Variants in KCTD8 observed in about 807,000 individuals in gnomAD.
The protein encoded by KCTD8 is BTB/POZ domain-containing protein KCTD8.
A neutral mutation model predicts 31.5 loss-of-function variants in KCTD8; 27 were observed. That is an observed-to-expected ratio of 0.86 (90% CI 0.63 to 1.18). The LOEUF (loss-of-function observed/expected upper bound fraction) is 1.18, where lower values mean the gene tolerates loss of function less well. Among genes scored for constraint, KCTD8 ranks in the 50% most tolerant of loss-of-function variants. The pLI is 0.00. For missense variants in KCTD8, 658 were observed against 647.7 expected, an observed-to-expected ratio of 1.02 and a Z score of -0.17; for synonymous variants, 290 against 280.0, an observed-to-expected ratio of 1.04 and a Z score of -0.36.
At chr4:44,277,580 A>G (rs1716788054) in intron 1 of KCTD8, among the ~76,000 whole-genome samples, 1 of 151,898 alleles carries the variant, frequency 6.6e-6, no homozygotes, top group Admixed American at 6.6e-5. Flanking sequence ...AAACAATCAA[A>G]GAACAATTAT....
chr4:44,242,745 C>T (rs1369899767), intron 1 of KCTD8, among the ~76,000 whole-genome samples: 1 of 152,018 alleles, frequency 6.6e-6, no homozygotes, highest in Non-Finnish European at 1.5e-5. Flanking sequence ...TGGTTTAGCA[C>T]CCTCCCCTTG....
chr4:44,411,735 A>G (rs917869283), intron 1 of KCTD8, among the ~76,000 whole-genome samples: 2 of 152,006 alleles, frequency 1.3e-5, no homozygotes, highest in Admixed American at 1.3e-4. Flanking sequence ...AAACAAGCAG[A>G]GAGAGATAAG....
intron 1 of KCTD8, among the ~76,000 whole-genome samples, chr4:44,260,119 A>G (rs1716117242): frequency 6.6e-6 from 1 of 151,506 alleles, no homozygotes; most frequent in African/African-American, 2.4e-5. Flanking sequence ...GAGAACATCA[A>G]ATGGAAGTAT....
intron 1 of KCTD8, among the ~76,000 whole-genome samples, chr4:44,280,137 A>C (rs1295371416): frequency 6.6e-6 from 1 of 152,136 alleles, no homozygotes; most frequent in East Asian, 1.9e-4. Context: ...TGGTAGGGAA[A>C]AGCTTTCTCT....
chr4:44,435,854 G>A (rs558865629), intron 1 of KCTD8, among the ~76,000 whole-genome samples: 11 of 152,118 alleles, frequency 7.2e-5, no homozygotes, highest in Admixed American at 5.3e-4. Flanking sequence ...ATAGGTGATC[G>A]GTTGTCCTCC....
Position 44,388,584 on chromosome 4 carries a change from C to T in KCTD8, c.961+58979G>A, listed in dbSNP as rs926208842. Among the ~76,000 whole-genome samples, 16 of 151,882 alleles carry T rather than the reference C, an allele frequency of 1.1e-4. No individual in the cohort carries two copies. In the Admixed American group the frequency reaches 1.1e-3, roughly 10 times the overall value. ...ATGGATGGAGCTGAAGGTCATTATC[C>T]TTAGCAAACTACACAGGAACAGAAA... On this transcript the variant is annotated intron_variant, in intron 1 of 1. Transcript: ENST00000360029.
intron 1 of KCTD8, among the ~76,000 whole-genome samples, chr4:44,378,492 C>G (rs1256594114): frequency 6.6e-6 from 1 of 151,654 alleles, no homozygotes; most frequent in Non-Finnish European, 1.5e-5. Context: ...TAAAGTTAAT[C>G]CTTAGTAAAC....
At chr4:44,372,508 G>A (rs1719817575) in intron 1 of KCTD8, among the ~76,000 whole-genome samples, 1 of 152,102 alleles carries the variant, frequency 6.6e-6, no homozygotes, top group Admixed American at 6.5e-5. Context: ...CTGTATTTTA[G>A]GAACAGTTAA....
chr4:44,214,320 T>C (rs1475385804), intron 1 of KCTD8, among the ~76,000 whole-genome samples: 1 of 152,198 alleles, frequency 6.6e-6, no homozygotes, highest in Non-Finnish European at 1.5e-5. Flanking sequence ...CCTACACATG[T>C]AAACTCTTTA....
intron 1 of KCTD8, among the ~76,000 whole-genome samples, chr4:44,220,528 TACTAG>T (rs1341062313): frequency 6.6e-6 from 1 of 152,170 alleles, no homozygotes; most frequent in Non-Finnish European, 1.5e-5. Context: ...ATGTATGTAT[TACTAG>T]ACATTTTAAT....
At chr4:44,295,033 C>T (rs1047145620) in intron 1 of KCTD8, among the ~76,000 whole-genome samples, 3 of 152,116 alleles carry the variant, frequency 2.0e-5, no homozygotes, top group African/African-American at 7.2e-5. Flanking sequence ...TGGCTGATGC[C>T]TGTAATCTCA....
intron 1 of KCTD8, among the ~76,000 whole-genome samples, chr4:44,278,192 T>C (rs1390094631): frequency 6.6e-6 from 1 of 151,996 alleles, no homozygotes; most frequent in African/African-American, 2.4e-5. Flanking sequence ...GAAGAGGCAA[T>C]AGCTGGAAAC....
At chr4:44,260,426 A>C (rs1230598893) in intron 1 of KCTD8, among the ~76,000 whole-genome samples, 1 of 151,956 alleles carries the variant, frequency 6.6e-6, no homozygotes, top group Non-Finnish European at 1.5e-5. Flanking sequence ...AATAATAAAC[A>C]AAAGTATATA....
chr4:44,193,666 A>G (rs984387568), intron 1 of KCTD8, among the ~76,000 whole-genome samples: 2 of 152,016 alleles, frequency 1.3e-5, no homozygotes, highest in Admixed American at 1.3e-4. Flanking sequence ...ATTAAAGGCT[A>G]CACATATGAA....
At chr4:44,234,854 G>C (rs548803835) in intron 1 of KCTD8, among the ~76,000 whole-genome samples, 10 of 152,208 alleles carry the variant, frequency 6.6e-5, no homozygotes, top group African/African-American at 2.4e-4. Flanking sequence ...AACAGGAAAA[G>C]CAATTTTTAA....
chr4:44,197,702 CCT>C (rs1713989500), intron 1 of KCTD8, among the ~76,000 whole-genome samples: 1 of 152,044 alleles, frequency 6.6e-6, no homozygotes, highest in Non-Finnish European at 1.5e-5. Flanking sequence ...GAACACCAGC[CCT>C]CTCAGATGGG....
At position 44,209,099 on chromosome 4, in the gene KCTD8, G is replaced by A. The variant is rs79907918; in HGVS notation, c.962-33849C>T. ...AAAAAAATAAAAATGCATTGATCTG[G>A]AATCTTGGATTTTTACCCCCTCACA... is the stretch of plus-strand genomic sequence containing the variant. On this transcript the variant is annotated intron_variant, in intron 1 of 1. Transcript: ENST00000360029. Among the ~76,000 whole-genome samples the A allele has an allele frequency of 6.4e-3, 976 of 152,164 alleles. 28 individuals carry two copies. Among genetic ancestry groups the A allele is most frequent in the East Asian group, 0.05 (257 of 5,162 alleles).
chr4:44,362,597 T>C (rs1394689451), intron 1 of KCTD8, among the ~76,000 whole-genome samples: 1 of 152,046 alleles, frequency 6.6e-6, no homozygotes, highest in Non-Finnish European at 1.5e-5. Flanking sequence ...GAAGTGATTA[T>C]AAAAATAGTC....
chr4:44,407,444 T>C (rs867751652), intron 1 of KCTD8, among the ~76,000 whole-genome samples: 2 of 151,200 alleles, frequency 1.3e-5, no homozygotes, highest in African/African-American at 2.4e-5. Context: ...CTGAGTGCAA[T>C]AGTGCGATCT....
Sources: gnomAD v4.1 joint callset for allele counts (sites outside exome capture counted in the v4.1 genomes callset) on GRCh38, gnomAD v4.1.1 for gene constraint, MANE v1.5 for transcripts, NCBI Gene and HGNC (gene_info 2026-07-23, HGNC 2026-07-21) for gene names.